The following PRKCB variants were observed in gnomAD, a reference collection of about 807,000 sequenced individuals.
PRKCB encodes protein kinase C beta, also known as protein kinase C beta type.
PRKCB carries 13 observed loss-of-function variants against 81.5 expected under a neutral mutation model. The observed-to-expected ratio is 0.16, with a 90% CI of 0.10 to 0.25. The LOEUF is 0.25. Among genes scored for constraint, PRKCB ranks in the 10% least tolerant of loss-of-function variants. PRKCB has a pLI of 1.00. For missense variants in PRKCB, 509 were observed against 875.7 expected, an observed-to-expected ratio of 0.58 and a Z score of 5.29; for synonymous variants, 335 against 321.4, an observed-to-expected ratio of 1.04 and a Z score of -0.45.
Position 23,896,078 on chromosome 16 carries a change from A to ATTT in PRKCB, c.205+58682_205+58684dup, listed in dbSNP as rs56293467. Among the ~76,000 whole-genome samples the ATTT allele has an allele frequency of 8.8e-5, 13 of 146,894 alleles. 1 individual carries two copies. The highest frequency in any genetic ancestry group is 4.7e-4 in the Admixed American group (7 of 14,788). ...TAATGGGATAATTCAATCCATTCAC[A>ATTT]TTTTTTTTTTTTGCAAGACACAGCA... is the stretch of plus-strand genomic sequence containing the variant. On this transcript the variant is annotated intron_variant, in intron 2 of 16. Coordinates refer to ENST00000643927, the MANE Select transcript of PRKCB (RefSeq NM_002738.7).
chr16:23,947,649 T>C (rs1964220786), intron 2 of PRKCB, among the ~76,000 whole-genome samples: 3 of 152,062 alleles, frequency 2.0e-5, no homozygotes, highest in Admixed American at 1.3e-4. Context: ...TAGATGCATA[T>C]AGTCAGGACA....
At chr16:24,174,839 TA>T in intron 12 of PRKCB, 1 of 405,328 alleles carries the variant, frequency 2.5e-6, no homozygotes, top group Non-Finnish European at 4.4e-6. Flanking sequence ...CTGTTTGCTC[TA>T]AGAGGAGACT....
chr16:23,947,741 T>C (rs1964222172), intron 2 of PRKCB, among the ~76,000 whole-genome samples: 1 of 152,038 alleles, frequency 6.6e-6, no homozygotes, highest in Non-Finnish European at 1.5e-5. Flanking sequence ...TGAAGAATGA[T>C]TGGGGCACAG....
At chr16:23,880,162 C>G (rs1006346788) in intron 2 of PRKCB, among the ~76,000 whole-genome samples, 3 of 152,178 alleles carry the variant, frequency 2.0e-5, no homozygotes, top group African/African-American at 7.2e-5. Flanking sequence ...CTGGCAGGCT[C>G]CTGGGTCTTT....
chr16:23,924,969 T>C (rs1420354967), intron 2 of PRKCB, among the ~76,000 whole-genome samples: 2 of 152,100 alleles, frequency 1.3e-5, no homozygotes, highest in African/African-American at 2.4e-5. Flanking sequence ...ATTCTGGACC[T>C]GGGTAAAATG....
chr16:23,924,850 A>G (rs1259346157), intron 2 of PRKCB, among the ~76,000 whole-genome samples: 2 of 152,152 alleles, frequency 1.3e-5, no homozygotes, highest in Non-Finnish European at 2.9e-5. Context: ...AGATGTATAC[A>G]ATTTTTACTT....
chr16:24,127,889 T>C (rs1966847225), intron 9 of PRKCB, among the ~76,000 whole-genome samples: 1 of 152,036 alleles, frequency 6.6e-6, no homozygotes. Flanking sequence ...TTAATGCAGG[T>C]TTTATATTTG....
At chr16:23,998,456 G>A (rs992747534) in intron 3 of PRKCB, among the ~76,000 whole-genome samples, 1 of 152,108 alleles carries the variant, frequency 6.6e-6, no homozygotes, top group Non-Finnish European at 1.5e-5. Context: ...GTGGGGAAGA[G>A]GTAGTTTCTC....
chr16:23,886,786 C>G (rs1231485134), intron 2 of PRKCB, among the ~76,000 whole-genome samples: 2 of 152,098 alleles, frequency 1.3e-5, no homozygotes, highest in African/African-American at 4.8e-5. Flanking sequence ...TCATTTATCT[C>G]CTTTTATGCC....
intron 5 of PRKCB, among the ~76,000 whole-genome samples, chr16:24,053,809 G>A (rs1341788971): frequency 6.6e-6 from 1 of 152,164 alleles, no homozygotes; most frequent in Non-Finnish European, 1.5e-5. Flanking sequence ...AGGCTCGTGT[G>A]TCTAAGTGGG....
intron 3 of PRKCB, among the ~76,000 whole-genome samples, chr16:24,019,478 C>G (rs1220936543): frequency 6.6e-6 from 1 of 152,110 alleles, no homozygotes; most frequent in African/African-American, 2.4e-5. Flanking sequence ...AAAAATACAA[C>G]CTTGGTCGGG....
At chr16:24,131,955 A>C (rs757722707) in intron 9 of PRKCB, among the ~76,000 whole-genome samples, 1 of 151,996 alleles carries the variant, frequency 6.6e-6, no homozygotes, top group Non-Finnish European at 1.5e-5. Context: ...GAAGTTACAA[A>C]AAGTCTCTGT....
In PRKCB at chr16:24,220,026, C is replaced by A; in HGVS notation, c.*5210C>A. On this transcript the variant is annotated 3_prime_UTR_variant, in exon 17 of 17. Coordinates refer to ENST00000643927, the MANE Select transcript of PRKCB (RefSeq NM_002738.7). ...CCAGACAGCCTGTGGAACTGACCCC[C>A]ACTGATAAACTCTTCATCATGAACT... is the stretch of plus-strand genomic sequence containing the variant. 1 of 1,614,166 alleles carries A rather than the reference C, an allele frequency of 6.2e-7. No individual in the cohort carries two copies. Among genetic ancestry groups the A allele is most frequent in the Non-Finnish European group, 8.5e-7 (1 of 1,180,008 alleles).
intron 16 of PRKCB, among the ~76,000 whole-genome samples, chr16:24,193,461 AAATAAAT>A (rs369602932): frequency 0.12 from 11,931 of 99,328 alleles, 707 homozygotes; most frequent in Non-Finnish European, 0.15. Context: ...ATAAATAAAT[AAATAAAT>A]AAATAAATAA....
At position 24,103,528 on chromosome 16, in the gene PRKCB, T is replaced by C. The variant is rs191985927; in HGVS notation, c.821+9231T>C. On this transcript the variant is annotated intron_variant, in intron 7 of 16. Coordinates refer to ENST00000643927, the MANE Select transcript of PRKCB (RefSeq NM_002738.7). ...GATTATATTAGCTATTCGTAGAGTA[T>C]ACTTTTTTGTGGAGAAAGAATAAAC... is the stretch of plus-strand genomic sequence containing the variant. 4.6e-5 allele frequency among the ~76,000 whole-genome samples: 7 copies of C among 152,344 alleles called. No individual in the cohort carries two copies. In the East Asian group the frequency reaches 9.6e-4, roughly 21 times the overall value.
At chr16:24,031,440 G>A (rs970417907) in intron 3 of PRKCB, among the ~76,000 whole-genome samples, 1 of 152,194 alleles carries the variant, frequency 6.6e-6, no homozygotes, top group Non-Finnish European at 1.5e-5. Flanking sequence ...ATTTCCATTT[G>A]AAGGGAATGG....
chr16:23,949,741 C>T (rs150500662), intron 2 of PRKCB, among the ~76,000 whole-genome samples: 1,767 of 152,310 alleles, frequency 0.012, 38 homozygotes, highest in African/African-American at 0.038. Flanking sequence ...TGAAGCCAGG[C>T]AGGTACCAGT....
intron 3 of PRKCB, among the ~76,000 whole-genome samples, chr16:24,030,296 G>A (rs1005598790): frequency 2.6e-5 from 4 of 152,174 alleles, no homozygotes; most frequent in African/African-American, 4.8e-5. Flanking sequence ...AAAGAGAAAT[G>A]CAGAGCCAAA....
chr16:24,100,443 C>T (rs1028937507), intron 7 of PRKCB, among the ~76,000 whole-genome samples: 1 of 152,160 alleles, frequency 6.6e-6, no homozygotes, highest in African/African-American at 2.4e-5. Flanking sequence ...ATGCAGCACC[C>T]TCTCTGTCCC....
Sources: gnomAD v4.1 joint callset for allele counts (sites outside exome capture counted in the v4.1 genomes callset) on GRCh38, gnomAD v4.1.1 for gene constraint, MANE v1.5 for transcripts, NCBI Gene and HGNC (gene_info 2026-07-23, HGNC 2026-07-21) for gene names.